The following DNAH9 variants were observed in gnomAD, a reference collection of about 807,000 sequenced individuals.
The protein encoded by DNAH9 is DNAH9 variant protein.
In DNAH9, 345 loss-of-function variants were observed where a neutral mutation model predicts 471.6. The observed-to-expected ratio is 0.73, with a 90% CI of 0.67 to 0.80. The LOEUF is 0.80. Ranked by LOEUF, DNAH9 falls within the 30% of genes least tolerant of loss-of-function variation. The pLI is 0.00. For missense variants in DNAH9, 5,407 were observed against 5,609.2 expected, an observed-to-expected ratio of 0.96 and a Z score of 1.15; for synonymous variants, 2,093 against 2,123.6, an observed-to-expected ratio of 0.99 and a Z score of 0.40.
At chr17:11,768,690 A>G (rs1297751782) in intron 37 of DNAH9, 64 bp downstream of exon 37, 7 of 1,567,604 alleles carry the variant, frequency 4.5e-6, no homozygotes, top group Non-Finnish European at 2.6e-6. Context: ...CAGTGGCTCC[A>G]GTAGCAGCCC....
intron 41 of DNAH9, among the ~76,000 whole-genome samples, chr17:11,793,149 C>T (rs1322868889): frequency 6.6e-6 from 1 of 152,180 alleles, no homozygotes; most frequent in African/African-American, 2.4e-5. Context: ...ATTATTTAGA[C>T]AACTTTAGAA....
chr17:11,690,956 C>A (rs150503330), intron 20 of DNAH9, among the ~76,000 whole-genome samples: 2 of 152,150 alleles, frequency 1.3e-5, no homozygotes, highest in African/African-American at 4.8e-5. Flanking sequence ...ATTACCTTCC[C>A]TGTGTTTGAT....
At position 11,621,407 on chromosome 17, in the gene DNAH9, C is replaced by CAAA. The variant is rs34933930; in HGVS notation, c.1350+1645_1350+1647dup. 6.9e-4 allele frequency among the ~76,000 whole-genome samples: 50 copies of CAAA among 72,352 alleles called. 1 individual carries two copies. The highest frequency in any genetic ancestry group is 1.2e-3 in the East Asian group (3 of 2,546). 47.5% of individuals were successfully genotyped at this position (72,352 alleles called of 152,430 possible). On this transcript the variant is annotated intron_variant, in intron 6 of 68. Coordinates refer to ENST00000262442, the MANE Select transcript of DNAH9 (RefSeq NM_001372.4). ...TGGGAGACAGGGCGAGACTCCATCT[C>CAAA]AAAAAAAAAAAAAAAAAAAAAGACA...
intron 49 of DNAH9, among the ~76,000 whole-genome samples, chr17:11,840,192 A>G (rs191542602): frequency 6.6e-5 from 10 of 152,324 alleles, no homozygotes; most frequent in African/African-American, 2.4e-4. Context: ...TACAAGAAAG[A>G]CATCCTGCAT....
intron 48 of DNAH9, among the ~76,000 whole-genome samples, chr17:11,830,522 T>C (rs1970649261): frequency 6.6e-6 from 1 of 152,200 alleles, no homozygotes; most frequent in Non-Finnish European, 1.5e-5. Context: ...CTAGGATTCT[T>C]TTGGTTGTAA....
In DNAH9 at chr17:11,902,661, C is replaced by T; in HGVS notation, c.11407-58C>T. 4.0e-6 allele frequency: 6 copies of T among 1,512,768 alleles called. No individual in the cohort carries two copies. The South Asian group carries it at 7.3e-5, about 18-fold the overall frequency. The allele number at this position is 1,512,768 out of a possible 1,614,324, so 93.7% of individuals were successfully genotyped here. ...CATCTGGCCCCTCAATCCCCCAACA[C>T]AATGCAAATGACAGCTTTCTGGAGA... On this transcript the variant is annotated intron_variant, in intron 59 of 68. Transcript: ENST00000262442.
At chr17:11,694,865 CTTCCTTCT>C (rs1259422117) in intron 22 of DNAH9, among the ~76,000 whole-genome samples, 6 of 316 alleles carry the variant, frequency 0.019, 3 homozygotes, top group Non-Finnish European at 0.067. Context: ...TCCTTCCTTC[CTTCCTTCT>C]TTCTTTCTTT....
rs780585164 is a variant in DNAH9, at chr17:11,763,471, A to G, written c.7027A>G (p.Ser2343Gly). 6.2e-7 allele frequency: 1 copy of G among 1,614,156 alleles called. No individual in the cohort carries two copies. The highest frequency in any genetic ancestry group is 8.5e-7 in the Non-Finnish European group (1 of 1,180,010). The change falls in exon 36 of 69, where the codon AGC becomes GGC. Residue 2343 changes from serine (S) to glycine (G), a missense_variant. Around this residue, in one of 3 missense-constraint regions of DNAH9, gnomAD observed 4,636 missense variants for 4,900.3 expected, o/e 0.95. Coordinates refer to ENST00000262442, the MANE Select transcript of DNAH9 (RefSeq NM_001372.4). ...GAAGATCATTCCCATCCCAGAGCAG[A>G]GCATGGTTCAGATGGTGTGTCACCT... ...FKKIIPIPEQ[S>G]MVQMVCHLLE...
intron 27 of DNAH9, among the ~76,000 whole-genome samples, chr17:11,724,734 G>T (rs543501248): frequency 6.6e-6 from 1 of 152,306 alleles, no homozygotes; most frequent in Non-Finnish European, 1.5e-5. Flanking sequence ...TTGGCATGAG[G>T]GACCAGTTTC....
chr17:11,634,922 CA>C (rs11355992), intron 8 of DNAH9, among the ~76,000 whole-genome samples: 14,001 of 151,920 alleles, frequency 0.092, 1,685 homozygotes, highest in African/African-American at 0.28. Flanking sequence ...GCCAGTGAAG[CA>C]AAAAAATGGC....
At chr17:11,640,133 A>T in intron 9 of DNAH9, 137 bp from the exon 10 acceptor site, 1 of 637,500 alleles carries the variant, frequency 1.6e-6, no homozygotes, top group Non-Finnish European at 2.8e-6. Context: ...ACCCCCCAGG[A>T]ACTCCAGTGT....
chr17:11,757,763 C>T, intron 35 of DNAH9, 71 bp downstream of exon 35: 2 of 1,506,654 alleles, frequency 1.3e-6, no homozygotes, highest in African/African-American at 1.4e-5. Flanking sequence ...CACCTAGTGT[C>T]CTGCTGATGT....
At chr17:11,666,404 G>A (rs1006101155) in intron 15 of DNAH9, among the ~76,000 whole-genome samples, 17 of 152,208 alleles carry the variant, frequency 1.1e-4, no homozygotes, top group African/African-American at 4.1e-4. Flanking sequence ...GGGAAGGACA[G>A]AGTGGGACCA....
At chr17:11,617,671 C>T (rs2072774772) in intron 5 of DNAH9, 49 bp downstream of exon 5, 1 of 1,353,666 alleles carries the variant, frequency 7.4e-7, no homozygotes. Context: ...GGCTGGTTGG[C>T]ATCTAGTCAC....
intron 6 of DNAH9, among the ~76,000 whole-genome samples, chr17:11,629,060 T>TA (rs2073018956): frequency 6.6e-6 from 1 of 152,076 alleles, no homozygotes; most frequent in Non-Finnish European, 1.5e-5. Context: ...TTCACTGTTG[T>TA]TATGATCATG....
intron 19 of DNAH9, among the ~76,000 whole-genome samples, 200 bp from the exon 20 acceptor site, chr17:11,689,366 G>GTTTTT (rs56124130): frequency 2.3e-4 from 34 of 146,374 alleles, no homozygotes; most frequent in African/African-American, 7.3e-4. Flanking sequence ...TCCTGAGTGT[G>GTTTTT]TTTTTTTTTT....
chr17:11,645,246 C>T (rs867762122), intron 11 of DNAH9, among the ~76,000 whole-genome samples: 21 of 152,114 alleles, frequency 1.4e-4, no homozygotes, highest in African/African-American at 3.6e-4. Context: ...GAATGGTGGC[C>T]GTTGAGATTA....
At chr17:11,663,180 A>G (rs760358534) in intron 14 of DNAH9, among the ~76,000 whole-genome samples, 1 of 152,216 alleles carries the variant, frequency 6.6e-6, no homozygotes, top group African/African-American at 2.4e-5. Flanking sequence ...TATTTCTAAT[A>G]GAACCCTAAC....
chr17:11,851,308 G>A (rs896118020), intron 49 of DNAH9, among the ~76,000 whole-genome samples: 1 of 151,960 alleles, frequency 6.6e-6, no homozygotes, highest in Admixed American at 6.6e-5. Flanking sequence ...GTACAGATGG[G>A]GTTTTCACCA....
Sources: gnomAD v4.1 joint callset for allele counts (sites outside exome capture counted in the v4.1 genomes callset) on GRCh38, gnomAD v4.1.1 for gene constraint, gnomAD v4.1.1 regional missense constraint, MANE v1.5 for transcripts, NCBI Gene and HGNC (gene_info 2026-07-23, HGNC 2026-07-21) for gene names.